Variants in TTLL5 observed in about 807,000 individuals in gnomAD.
The protein encoded by TTLL5 is tubulin polyglutamylase TTLL5.
A neutral mutation model predicts 168.4 loss-of-function variants in TTLL5; 132 were observed. That is an observed-to-expected ratio of 0.78 (90% confidence interval 0.68 to 0.91). The LOEUF (loss-of-function observed/expected upper bound fraction) is 0.91. TTLL5 is among the 40% of genes least tolerant of loss of function. The pLI, the probability that TTLL5 is intolerant of heterozygous loss-of-function variation, is 0.00. For missense variants in TTLL5, 1,545 were observed against 1,581.5 expected (o/e 0.98, Z 0.39); for synonymous variants, 546 against 558.6 (o/e 0.98, Z 0.32).
At chr14:75,884,412 C>G (rs2031986283) in intron 30 of TTLL5, among the ~76,000 whole-genome samples, 1 of 152,196 alleles carries the variant, frequency 6.6e-6, no homozygotes, top group Non-Finnish European at 1.5e-5. Flanking sequence ...TGCTACTGCC[C>G]TGAACTCACT....
At chr14:75,829,054 G>A (rs1487525740) in intron 28 of TTLL5, among the ~76,000 whole-genome samples, 2 of 152,178 alleles carry the variant, frequency 1.3e-5, no homozygotes, top group East Asian at 1.9e-4. Flanking sequence ...GTACTATAAA[G>A]CAATATGTGC....
At chr14:75,851,454 G>A (rs1213561559) in intron 28 of TTLL5, among the ~76,000 whole-genome samples, 1 of 152,132 alleles carries the variant, frequency 6.6e-6, no homozygotes, top group African/African-American at 2.4e-5. Context: ...TTTAGCCTTG[G>A]GGGAGGGGAG....
intron 3 of TTLL5, among the ~76,000 whole-genome samples, chr14:75,673,444 T>TG (rs1307949122): frequency 1.3e-5 from 2 of 152,226 alleles, no homozygotes; most frequent in Non-Finnish European, 2.9e-5. Flanking sequence ...TGTGGTATGG[T>TG]GGAAAGAGTG....
Position 75,954,706 on chromosome 14 carries a change from G to A in TTLL5, c.*260G>A, listed in dbSNP as rs1297252578. 2.6e-5 allele frequency: 14 copies of A among 544,560 alleles called. No individual in the cohort carries two copies. Among genetic ancestry groups the A allele is most frequent in the East Asian group, 5.8e-5 (2 of 34,478 alleles). 33.7% of individuals were successfully genotyped at this position (544,560 alleles called of 1,614,324 possible). The stretch of plus-strand genomic sequence containing the variant: ...ATTCAGCTGATGCATTATATACCCC[G>A]TCAGAGCACACTTGTATCTTTTACC... On this transcript the variant is annotated 3_prime_UTR_variant, in exon 32 of 32. Transcript: ENST00000298832.
At chr14:75,707,782 C>G in intron 9 of TTLL5, 75 bp downstream of exon 9, 12 of 1,219,440 alleles carry the variant, frequency 9.8e-6, no homozygotes, top group South Asian at 2.6e-5. Context: ...GATCCATTAA[C>G]AAGTTTATTA....
intron 31 of TTLL5, among the ~76,000 whole-genome samples, chr14:75,905,172 G>T (rs2033093678): frequency 6.6e-6 from 1 of 152,154 alleles, no homozygotes; most frequent in Admixed American, 6.5e-5. Flanking sequence ...CTGAGACCTG[G>T]GAAGCGTGTG....
chr14:75,762,176 A>G (rs1451569094), intron 18 of TTLL5, among the ~76,000 whole-genome samples: 1 of 152,092 alleles, frequency 6.6e-6, no homozygotes, highest in Non-Finnish European at 1.5e-5. Flanking sequence ...CGGGTGGATC[A>G]CGAGGTCAGG....
intron 28 of TTLL5, among the ~76,000 whole-genome samples, chr14:75,857,813 G>T (rs1354301569): frequency 1.3e-5 from 2 of 151,684 alleles, no homozygotes; most frequent in Non-Finnish European, 2.9e-5. Flanking sequence ...CACCACTCCT[G>T]GCTATTTTAA....
chr14:75,837,389 A>C (rs867119273), intron 28 of TTLL5: 3 of 152,244 alleles, frequency 2.0e-5, no homozygotes, highest in African/African-American at 7.2e-5. Flanking sequence ...TGGAAATCAC[A>C]TATCATCATT....
chr14:75,784,462 A>G (rs1315655889), intron 26 of TTLL5, among the ~76,000 whole-genome samples: 2 of 152,208 alleles, frequency 1.3e-5, no homozygotes, highest in Non-Finnish European at 2.9e-5. Context: ...CATTGTATGG[A>G]TATACCACAA....
chr14:75,665,275 T>C (rs1157916463), intron 2 of TTLL5, among the ~76,000 whole-genome samples: 1 of 152,234 alleles, frequency 6.6e-6, no homozygotes, highest in African/African-American at 2.4e-5. Flanking sequence ...AATTTTGTTT[T>C]CTAAAGACAA....
intron 26 of TTLL5, 49 bp downstream of exon 26, chr14:75,783,579 C>A (rs1289611079): frequency 6.4e-7 from 1 of 1,574,160 alleles, no homozygotes. Flanking sequence ...CCTCCCCAGC[C>A]CCAATAAAGA....
In TTLL5 at chr14:75,899,938, CT is replaced by C. The variant is rs34675657; in HGVS notation, c.3741-2185del. Among the ~76,000 whole-genome samples, 547 of 144,114 alleles carry C rather than the reference CT, an allele frequency of 3.8e-3. 3 individuals carry two copies. The highest frequency in any genetic ancestry group is 0.014 in the East Asian group (72 of 4,976). 94.5% of individuals were successfully genotyped at this position (144,114 alleles called of 152,430 possible). A position where few individuals can be genotyped will look rare whatever the true frequency, so the allele number is the denominator to read the frequency against. The stretch of plus-strand genomic sequence containing the variant: ...CCCAAAGATTTTGCCGGCTTCTTCC[CT>C]TTTTTTTTTTTTTTTTTTAAACCAC... On this transcript the variant is annotated intron_variant, in intron 30 of 31. Coordinates refer to ENST00000298832, the MANE Select transcript of TTLL5 (RefSeq NM_015072.5).
intron 15 of TTLL5, among the ~76,000 whole-genome samples, chr14:75,738,535 A>T (rs59311512): frequency 2.6e-5 from 4 of 152,308 alleles, no homozygotes; most frequent in African/African-American, 7.2e-5. Context: ...TAACTGATTA[A>T]TGTGGCTCTG....
chr14:75,784,082 A>G (rs1162311107), intron 26 of TTLL5, among the ~76,000 whole-genome samples: 2 of 152,178 alleles, frequency 1.3e-5, no homozygotes, highest in African/African-American at 4.8e-5. Flanking sequence ...CAGTGGTTAT[A>G]TATATATCTA....
intron 9 of TTLL5, chr14:75,710,363 T>C (rs911813308): frequency 2.0e-5 from 3 of 151,734 alleles, no homozygotes; most frequent in Admixed American, 6.6e-5. Flanking sequence ...GAATTAAGTA[T>C]AACCCTTTTG....
At chr14:75,949,859 A>G (rs2034902003) in intron 31 of TTLL5, among the ~76,000 whole-genome samples, 2 of 151,882 alleles carry the variant, frequency 1.3e-5, no homozygotes, top group Admixed American at 6.6e-5. Flanking sequence ...CCAAAAAAAA[A>G]GAAAAAAAAA....
intron 27 of TTLL5, among the ~76,000 whole-genome samples, chr14:75,812,857 A>AGCTGGG (rs1239496485): frequency 1.1e-4 from 16 of 152,180 alleles, no homozygotes; most frequent in South Asian, 2.1e-4. Flanking sequence ...GGTTCAGTGC[A>AGCTGGG]GCTGGGGCTG....
chr14:75,682,771 AT>A (rs1204237467), intron 4 of TTLL5, among the ~76,000 whole-genome samples: 39 of 146,618 alleles, frequency 2.7e-4, no homozygotes, highest in African/African-American at 9.5e-4. Flanking sequence ...TTTTTTTTTA[AT>A]TTTTTATTTT....
Sources: gnomAD v4.1 joint callset for allele counts (sites outside exome capture counted in the v4.1 genomes callset) on GRCh38, gnomAD v4.1.1 for gene constraint, MANE v1.5 for transcripts, NCBI Gene and HGNC (gene_info 2026-07-23, HGNC 2026-07-21) for gene names.